The following PTPN9 variants were observed in gnomAD, a reference collection of about 807,000 sequenced individuals.
PTPN9 encodes protein tyrosine phosphatase non-receptor type 9.
Under a neutral mutation model 69.8 loss-of-function variants are expected in PTPN9, and 26 were observed. The ratio of observed to expected loss-of-function variants is 0.37; its 90% CI spans 0.27 to 0.52. The LOEUF is 0.52. PTPN9 is among the 20% of genes least tolerant of loss of function. The pLI, the probability that PTPN9 is intolerant of heterozygous loss-of-function variation, is 0.91. For synonymous variants in PTPN9, 274 were observed against 272.5 expected (o/e 1.01, Z -0.05); for missense variants, 549 against 740.3 (o/e 0.74, Z 3.00).
At position 75,464,077 on chromosome 15, in the gene PTPN9, AG is replaced by A. The variant is rs2141665536; in HGVS notation, c.*4691del. ...CTGACCTGCTTTTCCTCCAATTGGA[AG>A]GCCAAGGGGGAAGAGAACTGAGGGA... On this transcript the variant is annotated 3_prime_UTR_variant, in exon 13 of 13. Transcript: ENST00000618819. 1 of 152,454 alleles carries A rather than the reference AG, an allele frequency of 6.6e-6. No homozygotes were observed. The highest frequency in any genetic ancestry group is 1.9e-4 in the East Asian group (1 of 5,182). The allele number at this position is 152,454 out of a possible 1,614,324, so 9.4% of individuals were successfully genotyped here.
chr15:75,575,918 CAAAAAAAA>C (rs759810846), intron 1 of PTPN9, among the ~76,000 whole-genome samples: 1 of 39,278 alleles, frequency 2.5e-5, no homozygotes, highest in Non-Finnish European at 4.6e-5. Flanking sequence ...GACTCCATCT[CAAAAAAAA>C]AAAAAAAAAA....
intron 7 of PTPN9, among the ~76,000 whole-genome samples, chr15:75,493,247 AAAGT>A (rs2074721516): frequency 6.6e-6 from 1 of 152,148 alleles, no homozygotes; most frequent in Non-Finnish European, 1.5e-5. Flanking sequence ...CAATAAGAGA[AAAGT>A]AACCTCTAAA....
At chr15:75,485,161 C>G (rs1176288910) in intron 8 of PTPN9, among the ~76,000 whole-genome samples, 3 of 152,122 alleles carry the variant, frequency 2.0e-5, no homozygotes, top group African/African-American at 7.2e-5. Flanking sequence ...AAACAGGCTT[C>G]TCAATCCAGG....
Position 75,463,915 on chromosome 15 carries a change from G to T in PTPN9, c.*4854C>A, listed in dbSNP as rs2074526499. ...TTGTGGGAGTAACCAAGGCCAGAGA[G>T]AAATCTAAGGACTAGGTTGGGAGCT... On this transcript the variant is annotated 3_prime_UTR_variant, in exon 13 of 13. Transcript: ENST00000618819. The T allele has an allele frequency of 6.6e-6, 1 of 152,246 alleles. No homozygotes were observed. Among genetic ancestry groups the T allele is most frequent in the Non-Finnish European group, 1.5e-5 (1 of 68,058 alleles). 9.4% of individuals were successfully genotyped at this position (152,246 alleles called of 1,614,324 possible).
intron 8 of PTPN9, among the ~76,000 whole-genome samples, chr15:75,481,803 G>C: frequency 7.7e-6 from 1 of 129,184 alleles, no homozygotes; most frequent in South Asian, 3.1e-4. Context: ...CCCTCTGCCC[G>C]GCCAGCCGCC....
intron 6 of PTPN9, among the ~76,000 whole-genome samples, chr15:75,507,949 A>G (rs2074828179): frequency 6.7e-6 from 1 of 149,994 alleles, no homozygotes; most frequent in South Asian, 2.1e-4. Flanking sequence ...AGGCTGAGGC[A>G]GAAGAATCGC....
chr15:75,517,035 G>C (rs562053734), intron 5 of PTPN9, among the ~76,000 whole-genome samples: 1 of 152,154 alleles, frequency 6.6e-6, no homozygotes, highest in East Asian at 1.9e-4. Context: ...GAGCCATGGC[G>C]CCTGGCCGTT....
intron 1 of PTPN9, among the ~76,000 whole-genome samples, chr15:75,528,392 T>C (rs1464044734): frequency 6.6e-6 from 1 of 151,336 alleles, no homozygotes; most frequent in Admixed American, 6.6e-5. Context: ...TTTTTTTTTT[T>C]CTTTTTTTGA....
intron 1 of PTPN9, among the ~76,000 whole-genome samples, chr15:75,542,733 TA>T (rs1408223714): frequency 6.6e-6 from 1 of 152,220 alleles, no homozygotes; most frequent in African/African-American, 2.4e-5. Flanking sequence ...GAAAATGTTC[TA>T]TTCCTTTTCA....
At position 75,474,463 on chromosome 15, in the gene PTPN9, G is replaced by C. The variant is rs138084538; in HGVS notation, c.1130-696C>G. ...GACCCCGGGAGGTGGAGGTTGCAGT[G>C]AGCCAAGAGCGCACCACTGCACTCC... is the stretch of plus-strand genomic sequence containing the variant. On this transcript the variant is annotated intron_variant, in intron 9 of 12. Transcript: ENST00000618819. Among the ~76,000 whole-genome samples the C allele has an allele frequency of 5.8e-4, 88 of 151,840 alleles. 1 individual carries two copies. In the East Asian group the frequency reaches 0.017, roughly 29 times the overall value.
chr15:75,562,793 A>C (rs1332356357), intron 1 of PTPN9, among the ~76,000 whole-genome samples: 2 of 30,082 alleles, frequency 6.6e-5, no homozygotes, highest in African/African-American at 9.9e-4. Context: ...ACTCGTTTCA[A>C]AAAAAAAAAA....
At chr15:75,483,170 T>C (rs1298669660) in intron 8 of PTPN9, among the ~76,000 whole-genome samples, 1 of 152,198 alleles carries the variant, frequency 6.6e-6, no homozygotes, top group Non-Finnish European at 1.5e-5. Flanking sequence ...TAGAAAACAG[T>C]CTGGTTGTTC....
chr15:75,516,224 T>G (rs2074868501), intron 5 of PTPN9, among the ~76,000 whole-genome samples: 1 of 152,120 alleles, frequency 6.6e-6, no homozygotes, highest in African/African-American at 2.4e-5. Flanking sequence ...TTTTCAGATT[T>G]TAGAATATCT....
chr15:75,514,100 C>CCAA (rs2074856415), intron 5 of PTPN9, among the ~76,000 whole-genome samples: 1 of 114,924 alleles, frequency 8.7e-6, no homozygotes, highest in African/African-American at 3.1e-5. Flanking sequence ...CACTCTGTCT[C>CCAA]AAAAAAAAAA....
rs1238383971 is a variant in PTPN9 at position 75,504,771 on chromosome 15, G to C, written c.968+904C>G. On this transcript the variant is annotated intron_variant, in intron 7 of 12. Coordinates refer to ENST00000618819, the MANE Select transcript of PTPN9 (RefSeq NM_002833.4). ...TGGGAAGTGAGGAGCCCCTCTGCCC[G>C]GCCAGCCGCCCCGTCCGGGAGGGAG... Among the ~76,000 whole-genome samples, 3 of 138,046 alleles carry C rather than the reference G, an allele frequency of 2.2e-5. 1 individual carries two copies. Among genetic ancestry groups the C allele is most frequent in the South Asian group, 4.8e-4 (2 of 4,126 alleles). The allele number at this position is 138,046 out of a possible 152,430, so 90.6% of individuals were successfully genotyped here.
intron 7 of PTPN9, among the ~76,000 whole-genome samples, chr15:75,497,964 C>T (rs570472550): frequency 4.0e-5 from 6 of 150,792 alleles, no homozygotes; most frequent in Non-Finnish European, 5.9e-5. Flanking sequence ...CTGAGGCTGG[C>T]GGATCACCTG....
chr15:75,563,468 G>A (rs891905762), intron 1 of PTPN9, among the ~76,000 whole-genome samples: 3 of 152,122 alleles, frequency 2.0e-5, no homozygotes, highest in Non-Finnish European at 4.4e-5. Flanking sequence ...GATTACAGGC[G>A]TGAGCCCACA....
intron 1 of PTPN9, among the ~76,000 whole-genome samples, chr15:75,577,146 T>C (rs2075177685): frequency 6.6e-6 from 1 of 152,236 alleles, no homozygotes; most frequent in Non-Finnish European, 1.5e-5. Flanking sequence ...ATGCACTATG[T>C]ACAAAGTAAA....
chr15:75,538,376 AGATGCGTAACAACCT>A (rs2074994212), intron 1 of PTPN9, among the ~76,000 whole-genome samples: 1 of 152,164 alleles, frequency 6.6e-6, no homozygotes, highest in African/African-American at 2.4e-5. Flanking sequence ...AGAAGCCAAA[AGATGCGTAACAACCT>A]GATGCAAAAA....
Sources: allele counts gnomAD v4.1 joint callset (sites outside exome capture counted in the v4.1 genomes callset), GRCh38; gene constraint gnomAD v4.1.1; transcripts MANE v1.5; gene names NCBI Gene and HGNC (gene_info 2026-07-23, HGNC 2026-07-21).